Variants in GRID2 observed in about 807,000 individuals in gnomAD.
The protein encoded by GRID2 is glutamate receptor ionotropic, delta-2.
In GRID2, 33 loss-of-function variants were observed where a neutral mutation model predicts 114.8. The ratio of observed to expected loss-of-function variants is 0.29; its 90% CI spans 0.22 to 0.38. GRID2 has a LOEUF of 0.38. GRID2 is among the 10% of genes least tolerant of loss of function. GRID2 has a pLI of 1.00. For missense variants in GRID2, 1,184 were observed against 1,257.7 expected (o/e 0.94, Z 0.89); for synonymous variants, 505 against 449.9 (o/e 1.12, Z -1.55).
Position 92,824,210 on chromosome 4 carries a change from A to T in GRID2, c.244+233924A>T, listed in dbSNP as rs115204679. 5.4e-3 allele frequency among the ~76,000 whole-genome samples: 830 copies of T among 152,294 alleles called. 14 individuals are homozygous for T. Among genetic ancestry groups the T allele is most frequent in the African/African-American group, 0.019 (790 of 41,582 alleles). On this transcript the variant is annotated intron_variant, in intron 2 of 15. Transcript: ENST00000282020. ...GCTTAGGCTGAGGTTCTCTTCCTTT[A>T]TAAATAGAATCCATAAAATATCATT... is the stretch of plus-strand genomic sequence containing the variant.
chr4:92,367,239 T>C (rs139611629), intron 1 of GRID2, among the ~76,000 whole-genome samples: 1 of 152,220 alleles, frequency 6.6e-6, no homozygotes, highest in African/African-American at 2.4e-5. Flanking sequence ...ATGGTGATCT[T>C]CTAATCCTAT....
At chr4:93,057,700 T>C (rs1286473961) in intron 2 of GRID2, among the ~76,000 whole-genome samples, 1 of 151,894 alleles carries the variant, frequency 6.6e-6, no homozygotes, top group Non-Finnish European at 1.5e-5. Context: ...TATTTGTTTA[T>C]TTTAGCCTCA....
intron 9 of GRID2, among the ~76,000 whole-genome samples, chr4:93,402,609 G>C (rs553800929): frequency 1.3e-5 from 2 of 151,978 alleles, no homozygotes; most frequent in African/African-American, 2.4e-5. Context: ...CCCCGTCACT[G>C]TTACCTCAAT....
intron 2 of GRID2, among the ~76,000 whole-genome samples, chr4:92,928,762 A>G (rs1037444496): frequency 2.0e-5 from 3 of 151,684 alleles, no homozygotes; most frequent in African/African-American, 7.2e-5. Flanking sequence ...AACATAGGTA[A>G]GAGATGTTTC....
intron 11 of GRID2, among the ~76,000 whole-genome samples, chr4:93,484,300 T>A (rs1466708533): frequency 6.6e-6 from 1 of 151,938 alleles, no homozygotes; most frequent in Non-Finnish European, 1.5e-5. Context: ...ATCCATGGGA[T>A]CATCAACACT....
intron 8 of GRID2, among the ~76,000 whole-genome samples, chr4:93,335,419 G>A (rs953960848): frequency 1.8e-4 from 28 of 152,014 alleles, no homozygotes; most frequent in African/African-American, 6.5e-4. Context: ...TGAAGAGACT[G>A]GATTATCTTT....
intron 1 of GRID2, among the ~76,000 whole-genome samples, chr4:92,387,525 C>G (rs1730022263): frequency 6.6e-6 from 1 of 151,886 alleles, no homozygotes; most frequent in Admixed American, 6.6e-5. Context: ...CTTGACCTTT[C>G]CTATTTGTCT....
intron 14 of GRID2, among the ~76,000 whole-genome samples, chr4:93,723,297 A>G (rs556529308): frequency 6.6e-6 from 1 of 152,384 alleles, no homozygotes; most frequent in East Asian, 1.9e-4. Flanking sequence ...GAAATACTTA[A>G]TAATTTTTGA....
At chr4:92,550,691 C>T (rs756874364) in intron 1 of GRID2, among the ~76,000 whole-genome samples, 25 of 151,760 alleles carry the variant, frequency 1.6e-4, no homozygotes, top group African/African-American at 4.4e-4. Context: ...CTTTACAGCA[C>T]GGAGAAGAAC....
intron 2 of GRID2, among the ~76,000 whole-genome samples, chr4:92,890,905 C>T (rs947609607): frequency 2.0e-5 from 3 of 152,176 alleles, no homozygotes; most frequent in South Asian, 2.1e-4. Context: ...AAATGTGGCA[C>T]ATATACACCA....
At position 93,644,167 on chromosome 4, in the gene GRID2, C is replaced by T. The variant is rs1231123884; in HGVS notation, c.2360+17732C>T. Among the ~76,000 whole-genome samples the T allele has an allele frequency of 9.0e-5, 8 of 88,920 alleles. 2 individuals carry two copies. The highest frequency in any genetic ancestry group is 7.3e-4 in the South Asian group (2 of 2,734). 58.3% of individuals were successfully genotyped at this position (88,920 alleles called of 152,430 possible). ...GGTGAGGCAATGCCTCGCCCTGCTT[C>T]GGCTCGCGCACGGTGCGCACACACA... On this transcript the variant is annotated intron_variant, in intron 14 of 15. Coordinates refer to ENST00000282020, the MANE Select transcript of GRID2 (RefSeq NM_001510.4).
intron 1 of GRID2, among the ~76,000 whole-genome samples, chr4:92,407,196 T>TCCCA (rs1731071934): frequency 1.3e-5 from 2 of 151,996 alleles, no homozygotes; most frequent in South Asian, 4.1e-4. Context: ...TCCGAACACC[T>TCCCA]CCCACCAGGT....
At chr4:93,413,193 A>G (rs1023375009) in intron 9 of GRID2, among the ~76,000 whole-genome samples, 3 of 152,114 alleles carry the variant, frequency 2.0e-5, no homozygotes, top group African/African-American at 7.2e-5. Context: ...CAATGGTTGA[A>G]CTAATTTACA....
intron 13 of GRID2, among the ~76,000 whole-genome samples, chr4:93,575,249 A>C (rs569190953): frequency 6.6e-6 from 1 of 152,296 alleles, no homozygotes; most frequent in Non-Finnish European, 1.5e-5. Context: ...CTACACACAA[A>C]TGTAAGCAGT....
intron 3 of GRID2, among the ~76,000 whole-genome samples, chr4:93,093,093 C>T (rs1192780003): frequency 6.6e-6 from 1 of 152,016 alleles, no homozygotes; most frequent in African/African-American, 2.4e-5. Flanking sequence ...AGAGTCAGCA[C>T]TTAGCTTCAG....
chr4:93,564,688 T>G (rs1379697842), intron 13 of GRID2, among the ~76,000 whole-genome samples: 1 of 152,024 alleles, frequency 6.6e-6, no homozygotes, highest in Non-Finnish European at 1.5e-5. Context: ...ACCACAGTTG[T>G]CTGGTTTGAA....
intron 9 of GRID2, among the ~76,000 whole-genome samples, chr4:93,402,652 C>T (rs1390282507): frequency 1.3e-5 from 2 of 152,030 alleles, no homozygotes; most frequent in African/African-American, 4.8e-5. Context: ...CACAGGAACT[C>T]TTCTGCCAGT....
chr4:92,996,376 T>A (rs1423686901), intron 2 of GRID2, among the ~76,000 whole-genome samples: 2 of 149,808 alleles, frequency 1.3e-5, no homozygotes, highest in Non-Finnish European at 2.9e-5. Flanking sequence ...TTTATTTTTA[T>A]CATATCATAT....
chr4:93,454,947 T>G (rs1435780408), intron 10 of GRID2, among the ~76,000 whole-genome samples: 2 of 152,138 alleles, frequency 1.3e-5, no homozygotes, highest in Non-Finnish European at 2.9e-5. Context: ...ACTGAGATTC[T>G]GTTACATTTT....
Sources: allele counts gnomAD v4.1 joint callset (sites outside exome capture counted in the v4.1 genomes callset), GRCh38; gene constraint gnomAD v4.1.1; transcripts MANE v1.5; gene names NCBI Gene and HGNC (gene_info 2026-07-23, HGNC 2026-07-21).